AP3B1: variants seen among roughly 807,000 people sequenced by gnomAD.
AP3B1 encodes the protein adaptor related protein complex 3 subunit beta 1.
Under a neutral mutation model 132.5 loss-of-function variants are expected in AP3B1, and 61 were observed. The ratio of observed to expected loss-of-function variants is 0.46; its 90% CI spans 0.37 to 0.57. The LOEUF is 0.57. AP3B1 is among the 20% of genes least tolerant of loss of function. The pLI is 0.00. For missense variants in AP3B1, 1,120 were observed against 1,289.4 expected (o/e 0.87, Z 2.01); for synonymous variants, 388 against 438.3 (o/e 0.89, Z 1.43).
intron 7 of AP3B1, among the ~76,000 whole-genome samples, chr5:78,198,633 TC>T (rs1745166578): frequency 6.6e-6 from 1 of 152,150 alleles, no homozygotes; most frequent in Non-Finnish European, 1.5e-5. Context: ...TCTCTAAATA[TC>T]ATCACCCTGG....
chr5:78,233,350 C>G (rs111410208), intron 3 of AP3B1, among the ~76,000 whole-genome samples: 27,748 of 151,848 alleles, frequency 0.18, 2,787 homozygotes, highest in Admixed American at 0.27. Context: ...TGTCCTGTCT[C>G]AACCTCCAGA....
In AP3B1 at chr5:78,213,706, G is replaced by C. The variant is rs144467932; in HGVS notation, c.786+2349C>G. ...AAAATTTATAACCACCAGAGTAACT[G>C]AAATTAAACAGTTACCAATAATTGC... is the stretch of plus-strand genomic sequence containing the variant. On this transcript the variant is annotated intron_variant, in intron 7 of 26. Coordinates refer to ENST00000255194, the MANE Select transcript of AP3B1 (RefSeq NM_003664.5). Among the ~76,000 whole-genome samples the C allele has an allele frequency of 8.3e-3, 1,271 of 152,234 alleles. 14 individuals are homozygous for C. The highest frequency in any genetic ancestry group is 0.012 in the Non-Finnish European group (821 of 68,008).
chr5:78,055,271 T>C (rs1221932738), intron 22 of AP3B1, among the ~76,000 whole-genome samples: 2 of 152,192 alleles, frequency 1.3e-5, no homozygotes, highest in Non-Finnish European at 2.9e-5. Context: ...AGGCTATACG[T>C]ATTTTTAACA....
At chr5:78,265,329 G>A (rs1748275663) in intron 2 of AP3B1, among the ~76,000 whole-genome samples, 1 of 152,108 alleles carries the variant, frequency 6.6e-6, no homozygotes, top group African/African-American at 2.4e-5. Context: ...TGTAGTCCCT[G>A]CTACTCAGAA....
intron 1 of AP3B1, among the ~76,000 whole-genome samples, chr5:78,287,203 T>C (rs1290829135): frequency 1.3e-5 from 2 of 152,214 alleles, no homozygotes; most frequent in Non-Finnish European, 1.5e-5. Context: ...TCACATCTTA[T>C]GATTTAATGG....
chr5:78,080,745 C>G (rs140265248), intron 22 of AP3B1, among the ~76,000 whole-genome samples: 1 of 151,474 alleles, frequency 6.6e-6, no homozygotes, highest in Non-Finnish European at 1.5e-5. Context: ...ACCCAACAAC[C>G]CTCACATGCA....
chr5:78,263,385 G>C (rs1247155852), intron 2 of AP3B1, among the ~76,000 whole-genome samples: 1 of 152,030 alleles, frequency 6.6e-6, no homozygotes, highest in Non-Finnish European at 1.5e-5. Flanking sequence ...CTTGCGTATT[G>C]GTTCTAACAG....
At chr5:78,212,997 C>G (rs1479654548) in intron 7 of AP3B1, among the ~76,000 whole-genome samples, 1 of 152,090 alleles carries the variant, frequency 6.6e-6, no homozygotes, top group Non-Finnish European at 1.5e-5. Context: ...CCTGCCTCAG[C>G]CTCCCAAGTA....
At position 78,177,401 on chromosome 5, in the gene AP3B1, T is replaced by A. The variant is rs571247730; in HGVS notation, c.978A>T (p.Ile326=). The A allele has an allele frequency of 6.2e-7, 1 of 1,613,998 alleles. No homozygotes were observed. Among genetic ancestry groups the A allele is most frequent in the African/African-American group, 1.3e-5 (1 of 75,050 alleles). ...VMAVAQLYWH[I]SPKSEAGIIS... is the part of the protein sequence containing the mutation. Reference sequence around the variant, plus strand: ...TTATGCCAGCTTCAGATTTTGGTGATATGTGCCAATACAGCTGAGCAACTG... The same window carrying A: ...TTATGCCAGCTTCAGATTTTGGTGAAATGTGCCAATACAGCTGAGCAACTG... The change falls in exon 9 of 27, where the codon ATA becomes ATT. Residue 326 remains isoleucine, a synonymous_variant. Coordinates refer to ENST00000255194, the MANE Select transcript of AP3B1 (RefSeq NM_003664.5).
chr5:78,031,959 G>A (rs1051901915), intron 24 of AP3B1, among the ~76,000 whole-genome samples: 1 of 152,112 alleles, frequency 6.6e-6, no homozygotes, highest in Admixed American at 6.6e-5. Flanking sequence ...GCATGCCTGT[G>A]GGGGATGAGG....
intron 7 of AP3B1, among the ~76,000 whole-genome samples, chr5:78,183,775 G>C (rs1412377630): frequency 1.3e-5 from 2 of 151,114 alleles, no homozygotes; most frequent in Non-Finnish European, 2.9e-5. Context: ...GCTGAGGCAG[G>C]AGAATTGCTT....
chr5:78,129,279 T>C lies in AP3B1; in HGVS notation c.1679A>G (p.Asn560Ser), dbSNP rs776064198. 2.6e-5 allele frequency: 42 copies of C among 1,612,988 alleles called. No homozygotes were observed. The Admixed American group carries it at 6.3e-4, about 24-fold the overall frequency. Residue 560 changes from asparagine to serine, a missense_variant, in exon 16 of 27, where the codon AAT (asparagine) becomes AGT (serine). Physicochemically the swap from Asn to Ser is conservative, Grantham distance 46. Coordinates refer to ENST00000255194, the MANE Select transcript of AP3B1 (RefSeq NM_003664.5). ...QTKLLTQYIL[N>S]LGKYDQNYDI... ...GTAGTTTTGATCATACTTGCCGAGA[T>C]TTAATATGTACTGGGTAAGCAATTT...
In AP3B1 at chr5:78,256,887, T is replaced by C. The variant is rs148824665; in HGVS notation, c.204+10633A>G. 6.1e-3 allele frequency among the ~76,000 whole-genome samples: 932 copies of C among 152,282 alleles called. 6 individuals carry two copies. Among genetic ancestry groups the C allele is most frequent in the Non-Finnish European group, 8.6e-3 (587 of 67,996 alleles). On this transcript the variant is annotated intron_variant, in intron 2 of 26. Transcript: ENST00000255194. ...AACATACACAAATCAATCAATGTGA[T>C]ACATCATGTCAACAAAATGGGCAAT... is the stretch of plus-strand genomic sequence containing the variant.
At chr5:78,206,603 G>A (rs976811549) in intron 7 of AP3B1, among the ~76,000 whole-genome samples, 2 of 151,958 alleles carry the variant, frequency 1.3e-5, no homozygotes, top group African/African-American at 2.4e-5. Flanking sequence ...CACTCAACAC[G>A]TTACTAAGAA....
At chr5:78,153,241 A>G (rs1368306207) in intron 14 of AP3B1, among the ~76,000 whole-genome samples, 1 of 152,180 alleles carries the variant, frequency 6.6e-6, no homozygotes, top group Non-Finnish European at 1.5e-5. Context: ...ATATATATTT[A>G]AAGTCATTAT....
chr5:78,287,151 T>C (rs959983420), intron 1 of AP3B1, among the ~76,000 whole-genome samples: 1 of 152,238 alleles, frequency 6.6e-6, no homozygotes, highest in African/African-American at 2.4e-5. Flanking sequence ...GCTCTGGTAA[T>C]GTTGCTCCAA....
At chr5:78,232,671 A>T (rs190094609) in intron 3 of AP3B1, among the ~76,000 whole-genome samples, 15 of 152,320 alleles carry the variant, frequency 9.8e-5, no homozygotes, top group Non-Finnish European at 1.9e-4. Flanking sequence ...AGACTAGTTC[A>T]CTGAAGCCTC....
At chr5:78,198,195 T>C (rs1256781840) in intron 7 of AP3B1, among the ~76,000 whole-genome samples, 1 of 152,170 alleles carries the variant, frequency 6.6e-6, no homozygotes, top group African/African-American at 2.4e-5. Context: ...TAGTGCCATC[T>C]CAAGATTTAC....
In AP3B1 at chr5:78,039,186, G is replaced by A. The variant is rs2112100425; in HGVS notation, c.2666C>T (p.Pro889Leu). 1 of 1,614,066 alleles carries A rather than the reference G, an allele frequency of 6.2e-7. No homozygotes were observed. The highest frequency in any genetic ancestry group is 1.1e-5 in the South Asian group (1 of 91,080). ...GKGLAAHYFF[P>L]RQPCIFGDKM... ...ATCACCAAAAATGCAAGGCTGTCTTGGAAAGAAATAATGGGCAGCTAGTCC... is the reference window on the plus strand; with the variant it reads ...ATCACCAAAAATGCAAGGCTGTCTTAGAAAGAAATAATGGGCAGCTAGTCC... The change falls in exon 23 of 27, where the codon CCA (proline) becomes CTA (leucine). Residue 889 changes from proline (P) to leucine (L), a missense_variant. Physicochemically the swap from Pro to Leu is moderately conservative, Grantham distance 98. Transcript: ENST00000255194.
Sources: gnomAD v4.1 joint callset for allele counts (sites outside exome capture counted in the v4.1 genomes callset) on GRCh38, gnomAD v4.1.1 for gene constraint, MANE v1.5 for transcripts, NCBI Gene and HGNC (gene_info 2026-07-23, HGNC 2026-07-21) for gene names.